Variants in CELF2 observed in about 807,000 individuals in gnomAD.
The protein encoded by CELF2 is CUGBP Elav-like family member 2.
In CELF2, 8 loss-of-function variants were observed where a neutral mutation model predicts 62.6. The ratio of observed to expected loss-of-function variants is 0.13; its 90% CI spans 0.07 to 0.23. CELF2 has a LOEUF of 0.23. Ranked by LOEUF, CELF2 falls within the 10% of genes least tolerant of loss-of-function variation. The pLI, the probability that CELF2 is intolerant of heterozygous loss-of-function variation, is 1.00. For synonymous variants in CELF2, 258 were observed against 250.0 expected, an observed-to-expected ratio of 1.03 and a Z score of -0.30; for missense variants, 333 against 671.0, an observed-to-expected ratio of 0.50 and a Z score of 5.56.
chr10:10,582,686 T>C, the CELF2 span, among the ~76,000 whole-genome samples: 5 of 152,192 alleles, frequency 3.3e-5, no homozygotes, highest in Non-Finnish European at 5.9e-5. Context: ...TGAGCTATAC[T>C]AGCTGGTCTA....
the CELF2 span, among the ~76,000 whole-genome samples, chr10:10,729,568 C>A: frequency 1.1e-3 from 169 of 152,224 alleles, 1 homozygote; most frequent in Non-Finnish European, 2.1e-3. Flanking sequence ...GATCGCACCA[C>A]TACACTCCAG....
chr10:10,473,939 G>A, the CELF2 span, among the ~76,000 whole-genome samples: 1 of 152,024 alleles, frequency 6.6e-6, no homozygotes, highest in Non-Finnish European at 1.5e-5. Flanking sequence ...AATGGGAAGG[G>A]TTTGAATTCA....
In CELF2 at chr10:11,330,598, T is replaced by C. The variant is rs1358181107; in HGVS notation, c.*1545T>C. ...TTCTCCTACTGACCTTTGATCTAGT[T>C]TGACCTTTGAAATTTGCATGTGACC... On this transcript the variant is annotated 3_prime_UTR_variant, in exon 13 of 13. Coordinates refer to ENST00000633077, the MANE Select transcript of CELF2 (RefSeq NM_001326342.2). The surrounding 1 kb of genome is among the most constrained non-coding windows in gnomAD (Gnocchi z 4.5). 1 of 152,520 alleles carries C rather than the reference T, an allele frequency of 6.6e-6. No homozygotes were observed. The highest frequency in any genetic ancestry group is 1.5e-5 in the Non-Finnish European group (1 of 68,032). The allele number at this position is 152,520 out of a possible 1,614,324, so 9.4% of individuals were successfully genotyped here.
chr10:11,232,678 A>G (rs765305908), intron 3 of CELF2, among the ~76,000 whole-genome samples: 2 of 152,218 alleles, frequency 1.3e-5, no homozygotes, highest in East Asian at 3.8e-4. Context: ...ACTGATTTCA[A>G]GGACACACCA....
the CELF2 span, among the ~76,000 whole-genome samples, chr10:10,524,030 A>G: frequency 7.9e-5 from 12 of 152,232 alleles, no homozygotes; most frequent in Admixed American, 4.6e-4. Context: ...TTTAGCTTCA[A>G]TTAAGCACAG....
chr10:11,066,414 A>AT (rs1321369143), intron 1 of CELF2, among the ~76,000 whole-genome samples: 1 of 151,608 alleles, frequency 6.6e-6, no homozygotes, highest in Non-Finnish European at 1.5e-5. Flanking sequence ...CATCACCTTC[A>AT]TTTTATAGGG....
At chr10:10,858,883 T>TTC (rs1370518678) in intron 1 of CELF2, among the ~76,000 whole-genome samples, 6 of 152,230 alleles carry the variant, frequency 3.9e-5, no homozygotes, top group African/African-American at 1.4e-4. Context: ...ATTATAACTT[T>TTC]TCTCACAACT....
chr10:11,066,010 T>C (rs914368226), intron 1 of CELF2, among the ~76,000 whole-genome samples: 1 of 152,116 alleles, frequency 6.6e-6, no homozygotes, highest in African/African-American at 2.4e-5. Context: ...ACAGCAGGAA[T>C]GCACCTGGCA....
At chr10:10,522,849 C>CAT in the CELF2 span, among the ~76,000 whole-genome samples, 5 of 152,158 alleles carry the variant, frequency 3.3e-5, no homozygotes, top group African/African-American at 1.2e-4. Flanking sequence ...GGATTACAGG[C>CAT]ATAAGCCACC....
chr10:10,631,419 A>G, the CELF2 span, among the ~76,000 whole-genome samples: 6 of 152,178 alleles, frequency 3.9e-5, no homozygotes, highest in African/African-American at 1.2e-4. Flanking sequence ...AGCTTTCTCT[A>G]GAGGTCATGA....
upstream of CELF2, among the ~76,000 whole-genome samples, chr10:11,001,923 G>T (rs112045120): frequency 6.6e-5 from 10 of 152,038 alleles, no homozygotes; most frequent in African/African-American, 2.2e-4. Context: ...GGCTCAACTC[G>T]ACCTTCATTT....
At chr10:10,779,985 G>A in the CELF2 span, among the ~76,000 whole-genome samples, 58 of 152,238 alleles carry the variant, frequency 3.8e-4, no homozygotes, top group Middle Eastern at 3.4e-3. Context: ...GTGATGGGAG[G>A]TTAGGGATGT....
intron 1 of CELF2, among the ~76,000 whole-genome samples, chr10:10,814,214 T>TAAAAAAAAA (rs759524110): frequency 0.017 from 767 of 44,422 alleles, 74 homozygotes; most frequent in Non-Finnish European, 0.025. Flanking sequence ...AGAAGAGTCC[T>TAAAAAAAAA]AAAAAAAAAA....
chr10:10,803,341 C>G (rs1030458248), intron 1 of CELF2, among the ~76,000 whole-genome samples: 10 of 152,210 alleles, frequency 6.6e-5, no homozygotes, highest in African/African-American at 2.2e-4. Context: ...ACCTCTCTGC[C>G]TAAATCTCCT....
chr10:10,693,688 C>A, the CELF2 span, among the ~76,000 whole-genome samples: 33,556 of 147,782 alleles, frequency 0.23, 3,733 homozygotes, highest in South Asian at 0.41. Context: ...ACAATTTCAG[C>A]TCCTGTTATT....
chr10:10,614,981 G>A, the CELF2 span, among the ~76,000 whole-genome samples: 1 of 152,118 alleles, frequency 6.6e-6, no homozygotes, highest in Admixed American at 6.5e-5. Context: ...AAGCTCTGAA[G>A]AGCATGATGG....
chr10:10,648,111 A>G, the CELF2 span, among the ~76,000 whole-genome samples: 1 of 152,158 alleles, frequency 6.6e-6, no homozygotes, highest in African/African-American at 2.4e-5. Context: ...GATTTTATCC[A>G]CTGCCCACCA....
the CELF2 span, among the ~76,000 whole-genome samples, chr10:10,634,109 C>G: frequency 1.3e-5 from 2 of 152,016 alleles, no homozygotes; most frequent in African/African-American, 4.8e-5. Context: ...TGTCTTGATA[C>G]TTTAATTGAG....
At chr10:10,584,168 T>C in the CELF2 span, among the ~76,000 whole-genome samples, 1 of 152,144 alleles carries the variant, frequency 6.6e-6, no homozygotes, top group African/African-American at 2.4e-5. Context: ...ATATGTAGAC[T>C]TAGCCCTGAT....
Sources: gnomAD v4.1 joint callset for allele counts (sites outside exome capture counted in the v4.1 genomes callset) on GRCh38, gnomAD v4.1.1 for gene constraint, Gnocchi (gnomAD v3.1) non-coding constraint, MANE v1.5 for transcripts, NCBI Gene and HGNC (gene_info 2026-07-23, HGNC 2026-07-21) for gene names.